The following GLIS3 variants were observed in gnomAD, a reference collection of about 807,000 sequenced individuals.
GLIS3 encodes the protein GLIS family zinc finger 3.
Under a neutral mutation model 78.6 loss-of-function variants are expected in GLIS3, and 53 were observed. The observed-to-expected ratio is 0.67, with a 90% confidence interval of 0.54 to 0.85. GLIS3 has a LOEUF of 0.85. Ranked by LOEUF, GLIS3 falls within the 40% of genes least tolerant of loss-of-function variation. The pLI is 0.00. For missense variants in GLIS3, 1,703 were observed against 1,231.1 expected, an observed-to-expected ratio of 1.38 and a Z score of -5.74; for synonymous variants, 684 against 509.9, an observed-to-expected ratio of 1.34 and a Z score of -4.60.
the GLIS3 span, among the ~76,000 whole-genome samples, chr9:4,441,270 TATG>T: frequency 3.9e-5 from 6 of 152,210 alleles, no homozygotes; most frequent in Non-Finnish European, 5.9e-5. Flanking sequence ...TCTTATTCAA[TATG>T]ATGTTAGTTG....
intron 5 of GLIS3, among the ~76,000 whole-genome samples, chr9:3,934,691 G>A (rs1825797836): frequency 6.6e-6 from 1 of 152,168 alleles, no homozygotes; most frequent in Non-Finnish European, 1.5e-5. Context: ...TTATAGGCGT[G>A]AGCCACCGTG....
rs573767426 is a variant in GLIS3, at chr9:4,299,495, G to A, written c.-173C>T. On this transcript the variant is annotated 5_prime_UTR_variant, in exon 1 of 11. Transcript: ENST00000381971. ...CCGGCCGGCCAGCGCGAGTGACAGC[G>A]GGCGGCCGGCGCTGGCGAGGAGTAA... 8 of 152,646 alleles carry A rather than the reference G, an allele frequency of 5.2e-5. No homozygotes were observed. The highest frequency in any genetic ancestry group is 1.9e-4 in the African/African-American group (8 of 41,590). 9.5% of individuals were successfully genotyped at this position (152,646 alleles called of 1,614,324 possible). A position where few individuals can be genotyped will look rare whatever the true frequency, so the allele number is the denominator to read the frequency against.
intron 1 of GLIS3, among the ~76,000 whole-genome samples, chr9:4,287,551 C>G (rs1239309248): frequency 6.6e-6 from 1 of 152,226 alleles, no homozygotes; most frequent in Non-Finnish European, 1.5e-5. Context: ...CTGTCACAAT[C>G]TGTCTTTCAG....
In GLIS3 at chr9:4,143,970, G is replaced by A. The variant is rs537317953; in HGVS notation, c.389-18029C>T. Among the ~76,000 whole-genome samples, 9 of 152,320 alleles carry A rather than the reference G, an allele frequency of 5.9e-5. No individual in the cohort carries two copies. In the East Asian group the frequency reaches 9.6e-4, roughly 16 times the overall value. On this transcript the variant is annotated intron_variant, in intron 2 of 10. Transcript: ENST00000381971. ...TGAGAAAGAAAAGAGAATAGACGACGTCTCCCTTCCTGTTTAAACATAGTG... is the reference window on the plus strand; with the variant it reads ...TGAGAAAGAAAAGAGAATAGACGACATCTCCCTTCCTGTTTAAACATAGTG...
chr9:4,297,430 C>A (rs74439248), intron 1 of GLIS3, among the ~76,000 whole-genome samples: 2 of 152,184 alleles, frequency 1.3e-5, no homozygotes, highest in Non-Finnish European at 2.9e-5. Flanking sequence ...AATAGTCTCT[C>A]CTCGAGATTC....
At chr9:4,183,331 G>C (rs1817494785) in intron 2 of GLIS3, among the ~76,000 whole-genome samples, 1 of 152,152 alleles carries the variant, frequency 6.6e-6, no homozygotes, top group Non-Finnish European at 1.5e-5. Flanking sequence ...TAAGCTCAAA[G>C]GTTCTGAAAG....
At chr9:4,272,714 T>A (rs1826627257) in intron 2 of GLIS3, among the ~76,000 whole-genome samples, 1 of 152,242 alleles carries the variant, frequency 6.6e-6, no homozygotes, top group Non-Finnish European at 1.5e-5. Context: ...CCCCAATAAG[T>A]AATTTTGCTA....
intron 4 of GLIS3, among the ~76,000 whole-genome samples, chr9:3,957,858 G>A (rs1452020948): frequency 6.6e-6 from 1 of 152,232 alleles, no homozygotes; most frequent in East Asian, 1.9e-4. Context: ...GCAAGGCTGT[G>A]CAAAATGCTC....
At chr9:4,250,957 T>C (rs193285954) in intron 2 of GLIS3, among the ~76,000 whole-genome samples, 1,045 of 100,674 alleles carry the variant, frequency 0.01, 13 homozygotes, top group African/African-American at 0.034. Flanking sequence ...TCTAATTTGA[T>C]TGCACTGTGG....
chr9:3,886,614 A>G (rs1447718804), intron 7 of GLIS3, among the ~76,000 whole-genome samples: 1 of 152,230 alleles, frequency 6.6e-6, no homozygotes, highest in Non-Finnish European at 1.5e-5. Context: ...CCCTTCAGGC[A>G]TTCTGAAGAA....
At chr9:4,485,108 G>C in the GLIS3 span, among the ~76,000 whole-genome samples, 1 of 151,806 alleles carries the variant, frequency 6.6e-6, no homozygotes, top group African/African-American at 2.4e-5. Flanking sequence ...TCTACCTCCT[G>C]GGTTCAAGCG....
At position 3,825,919 on chromosome 9, in the gene GLIS3, GC is replaced by G. The variant is rs1196864006; in HGVS notation, c.*2352del. The stretch of plus-strand genomic sequence containing the variant: ...CTGCTGAGGAAGGAGGGCTGCAGGT[GC>G]CTCTATTGCTTACGCCCTCTTTAGA... On this transcript the variant is annotated 3_prime_UTR_variant, in exon 11 of 11. Transcript: ENST00000381971. 2.0e-5 allele frequency: 3 copies of G among 152,380 alleles called. No homozygotes were observed. Among genetic ancestry groups the G allele is most frequent in the African/African-American group, 7.2e-5 (3 of 41,576 alleles). 9.4% of individuals were successfully genotyped at this position (152,380 alleles called of 1,614,324 possible).
chr9:4,179,085 A>G lies in GLIS3; in HGVS notation c.389-53144T>C, dbSNP rs138012689. On this transcript the variant is annotated intron_variant, in intron 2 of 10. Coordinates refer to ENST00000381971, the MANE Select transcript of GLIS3 (RefSeq NM_001042413.2). ...TTCAGCCTGAGTTTTGGATGGTGCAATAATTCACACCTTGGACATTGTTTC... is the reference window on the plus strand; with the variant it reads ...TTCAGCCTGAGTTTTGGATGGTGCAGTAATTCACACCTTGGACATTGTTTC... Among the ~76,000 whole-genome samples, 379 of 152,356 alleles carry G rather than the reference A, an allele frequency of 2.5e-3. 2 individuals are homozygous for G. Among genetic ancestry groups the G allele is most frequent in the African/African-American group, 8.7e-3 (363 of 41,584 alleles).
At chr9:3,938,025 C>T (rs1825991775) in intron 4 of GLIS3, among the ~76,000 whole-genome samples, 1 of 152,096 alleles carries the variant, frequency 6.6e-6, no homozygotes, top group African/African-American at 2.4e-5. Context: ...GGCAAAATAT[C>T]AGCTACTATT....
chr9:4,196,696 G>A (rs7042816), intron 2 of GLIS3, among the ~76,000 whole-genome samples: 152,179 of 152,286 alleles, frequency 1, 76,036 homozygotes, highest in Non-Finnish European at 1. Context: ...ATCAGAAGGA[G>A]CAAACTCCAG....
chr9:4,187,928 C>T (rs1198210965), intron 2 of GLIS3, among the ~76,000 whole-genome samples: 1 of 152,028 alleles, frequency 6.6e-6, no homozygotes, highest in African/African-American at 2.4e-5. Context: ...GATATACAAT[C>T]ATGTCATCTG....
chr9:4,316,976 TCA>T (rs2130538367), intron 2 of GLIS3, among the ~76,000 whole-genome samples: 1 of 152,198 alleles, frequency 6.6e-6, no homozygotes, highest in African/African-American at 2.4e-5. Context: ...TTGCTTAAAG[TCA>T]CAGTGTCTAA....
intron 2 of GLIS3, among the ~76,000 whole-genome samples, chr9:4,189,508 G>C (rs1818129183): frequency 6.6e-6 from 1 of 152,122 alleles, no homozygotes; most frequent in African/African-American, 2.4e-5. Flanking sequence ...TGTCTATTAG[G>C]TCTGCTTGGT....
At chr9:3,933,315 A>G (rs781693243) in intron 5 of GLIS3, among the ~76,000 whole-genome samples, 1 of 152,158 alleles carries the variant, frequency 6.6e-6, no homozygotes, top group Non-Finnish European at 1.5e-5. Flanking sequence ...AGCTGGGATT[A>G]AAGGTGTGTG....
Sources: gnomAD v4.1 joint callset for allele counts (sites outside exome capture counted in the v4.1 genomes callset) on GRCh38, gnomAD v4.1.1 for gene constraint, MANE v1.5 for transcripts, NCBI Gene and HGNC (gene_info 2026-07-23, HGNC 2026-07-21) for gene names.